Variants in ZC3H12B observed in about 807,000 individuals in gnomAD.
ZC3H12B encodes zinc finger CCCH-type containing 12B, also known as probable ribonuclease ZC3H12B.
In ZC3H12B, 7 loss-of-function variants were observed where a neutral mutation model predicts 43.9. The observed-to-expected ratio is 0.16, with a 90% CI of 0.09 to 0.30. The LOEUF (loss-of-function observed/expected upper bound fraction) is 0.30, where lower values mean the gene tolerates loss of function less well. Ranked by LOEUF, ZC3H12B falls within the 10% of genes least tolerant of loss-of-function variation. The pLI is 1.00. For synonymous variants in ZC3H12B, 222 were observed against 241.7 expected (o/e 0.92, Z 0.76); for missense variants, 475 against 670.2 (o/e 0.71, Z 3.22).
the ZC3H12B span, among the ~76,000 whole-genome samples, chrX:65,082,549 C>A: frequency 9.0e-6 from 1 of 111,019 alleles, no homozygotes; most frequent in African/African-American, 3.3e-5. Context: ...TACAACTTAT[C>A]CACTTTGAAC....
chrX:65,288,870 A>G, the ZC3H12B span, among the ~76,000 whole-genome samples: 1 of 112,037 alleles, frequency 8.9e-6, no homozygotes, highest in Non-Finnish European at 1.9e-5. Context: ...AAGAACACTT[A>G]GATTTAATAA....
intron 3 of ZC3H12B, among the ~76,000 whole-genome samples, chrX:65,405,320 A>G (rs1175036823): frequency 8.9e-6 from 1 of 112,817 alleles, no homozygotes; most frequent in Non-Finnish European, 1.9e-5. Flanking sequence ...TAAAATTAGT[A>G]GGAGAAAAGA....
the ZC3H12B span, among the ~76,000 whole-genome samples, chrX:65,055,472 G>A: frequency 1.8e-5 from 2 of 111,792 alleles, no homozygotes; most frequent in Non-Finnish European, 3.8e-5. Flanking sequence ...TTCATGTGTT[G>A]CTGGATTCGG....
chrX:65,254,995 A>C, the ZC3H12B span, among the ~76,000 whole-genome samples: 4 of 111,404 alleles, frequency 3.6e-5, no homozygotes, highest in Non-Finnish European at 7.5e-5. Context: ...GACATAACTC[A>C]GACCAAAAAA....
the ZC3H12B span, among the ~76,000 whole-genome samples, chrX:65,127,734 C>A: frequency 4.5e-5 from 5 of 110,881 alleles, no homozygotes; most frequent in Admixed American, 3.8e-4. Context: ...GTTCTCAATC[C>A]ACTGAAGTTA....
At chrX:65,192,622 T>G in the ZC3H12B span, among the ~76,000 whole-genome samples, 1 of 111,811 alleles carries the variant, frequency 8.9e-6, no homozygotes, top group Non-Finnish European at 1.9e-5. Context: ...TTTTTGTCCT[T>G]CATTCTTTTG....
the ZC3H12B span, among the ~76,000 whole-genome samples, chrX:65,141,887 C>T: frequency 1.8e-5 from 2 of 111,744 alleles, no homozygotes; most frequent in Non-Finnish European, 3.8e-5. Context: ...TGTATATATA[C>T]ACCACAGTTT....
At chrX:65,103,219 C>T in the ZC3H12B span, among the ~76,000 whole-genome samples, 20 of 111,274 alleles carry the variant, frequency 1.8e-4, no homozygotes, top group African/African-American at 6.5e-4. Context: ...TCAGAGACCT[C>T]CCCCTAGGAA....
chrX:65,389,437 G>A (rs146284850), intron 2 of ZC3H12B, among the ~76,000 whole-genome samples: 1 of 112,560 alleles, frequency 8.9e-6, no homozygotes, highest in South Asian at 3.6e-4. Flanking sequence ...CTCCAAGCCA[G>A]GCACGGGATA....
the ZC3H12B span, among the ~76,000 whole-genome samples, chrX:65,357,813 T>C: frequency 8.1e-5 from 9 of 111,513 alleles, no homozygotes; most frequent in South Asian, 3.0e-3. Flanking sequence ...GCTAGCATCA[T>C]AATGACAGGG....
the ZC3H12B span, among the ~76,000 whole-genome samples, chrX:65,108,529 TAGA>T: frequency 1.8e-5 from 2 of 109,792 alleles, no homozygotes; most frequent in Non-Finnish European, 3.8e-5. Context: ...CTTGTGCCAC[TAGA>T]AGATCTTCAG....
At chrX:65,042,271 G>A in the ZC3H12B span, among the ~76,000 whole-genome samples, 1 of 112,118 alleles carries the variant, frequency 8.9e-6, no homozygotes, top group Non-Finnish European at 1.9e-5. Flanking sequence ...TATGACATGT[G>A]TGAAAAAACT....
chrX:65,049,080 A>T, the ZC3H12B span, among the ~76,000 whole-genome samples: 1 of 111,143 alleles, frequency 9.0e-6, no homozygotes, highest in East Asian at 2.8e-4. Flanking sequence ...ACTCCTTATC[A>T]GTTGTGTAGG....
At chrX:65,276,794 C>T in the ZC3H12B span, among the ~76,000 whole-genome samples, 13 of 111,082 alleles carry the variant, frequency 1.2e-4, no homozygotes, top group Non-Finnish European at 1.9e-4. Context: ...AGAAAGAAAC[C>T]CAACTTCAAA....
At chrX:65,447,120 C>T (rs1021592644) in intron 3 of ZC3H12B, among the ~76,000 whole-genome samples, 2 of 111,593 alleles carry the variant, frequency 1.8e-5, no homozygotes, top group African/African-American at 6.5e-5. Flanking sequence ...CCTTCCCAAT[C>T]TAATCTCCCT....
chrX:65,094,935 C>G, the ZC3H12B span, among the ~76,000 whole-genome samples: 2 of 111,866 alleles, frequency 1.8e-5, no homozygotes, highest in Non-Finnish European at 3.8e-5. Flanking sequence ...GAACAATTAA[C>G]AGATAAACTA....
the ZC3H12B span, among the ~76,000 whole-genome samples, chrX:65,102,415 T>C: frequency 1.8e-5 from 2 of 111,665 alleles, no homozygotes; most frequent in Non-Finnish European, 3.8e-5. Context: ...AAATAAAAGG[T>C]ATTCAGATAG....
the ZC3H12B span, among the ~76,000 whole-genome samples, chrX:65,296,621 TAAAG>T: frequency 9.0e-6 from 1 of 110,629 alleles, no homozygotes; most frequent in Admixed American, 9.6e-5. Context: ...TTCCAAAAGA[TAAAG>T]AAAGAGAGAA....
chrX:65,299,103 G>A, the ZC3H12B span, among the ~76,000 whole-genome samples: 2 of 111,536 alleles, frequency 1.8e-5, no homozygotes, highest in Admixed American at 1.9e-4. Context: ...CATATCAACA[G>A]GTGACTGTAA....
Sources: gnomAD v4.1 joint callset for allele counts (sites outside exome capture counted in the v4.1 genomes callset) on GRCh38, gnomAD v4.1.1 for gene constraint, MANE v1.5 for transcripts, NCBI Gene and HGNC (gene_info 2026-07-23, HGNC 2026-07-21) for gene names.